ACOXL: variants seen among roughly 807,000 people sequenced by gnomAD.
ACOXL encodes acyl-CoA oxidase like, also known as acyl-coenzyme A oxidase-like protein.
A neutral mutation model predicts 71.9 loss-of-function variants in ACOXL; 70 were observed. The ratio of observed to expected loss-of-function variants is 0.97; its 90% CI spans 0.80 to 1.19. ACOXL has a LOEUF of 1.19. Among genes scored for constraint, ACOXL ranks in the 50% most tolerant of loss-of-function variants. The probability of loss-of-function intolerance (pLI) is 0.00; values close to 1 mark genes in which losing one functional copy is unlikely to be tolerated. For synonymous variants in ACOXL, 253 were observed against 281.6 expected, an observed-to-expected ratio of 0.90 and a Z score of 1.02; for missense variants, 703 against 736.3, an observed-to-expected ratio of 0.95 and a Z score of 0.52.
intron 13 of ACOXL, among the ~76,000 whole-genome samples, chr2:110,988,932 G>A (rs532949100): frequency 6.9e-6 from 1 of 145,804 alleles, no homozygotes; most frequent in Non-Finnish European, 1.5e-5. Context: ...TTTATCCTTT[G>A]TTGTTACAAA....
intron 10 of ACOXL, among the ~76,000 whole-genome samples, chr2:110,908,366 G>A (rs2059534800): frequency 6.6e-6 from 1 of 152,144 alleles, no homozygotes; most frequent in Non-Finnish European, 1.5e-5. Context: ...GGAGCACCAG[G>A]GTTAATGTCA....
At chr2:110,892,496 C>T (rs1037991196) in intron 10 of ACOXL, among the ~76,000 whole-genome samples, 1 of 152,226 alleles carries the variant, frequency 6.6e-6, no homozygotes, top group South Asian at 2.1e-4. Flanking sequence ...AAATGGCGCT[C>T]AACCACTGGG....
At chr2:110,769,619 C>T (rs1212563702) in intron 2 of ACOXL, among the ~76,000 whole-genome samples, 1 of 152,014 alleles carries the variant, frequency 6.6e-6, no homozygotes, top group Non-Finnish European at 1.5e-5. Flanking sequence ...CGAAACATGG[C>T]CTGGGCAACA....
chr2:110,915,708 G>A lies in ACOXL; in HGVS notation c.905+6803G>A, dbSNP rs534477592. Among the ~76,000 whole-genome samples, 148 of 151,902 alleles carry A rather than the reference G, an allele frequency of 9.7e-4. 2 individuals carry two copies. The highest frequency in any genetic ancestry group is 3.4e-3 in the Middle Eastern group (1 of 294). ...CTCTCAAAGTGCTGGGATTACAGGC[G>A]TGAGCCACTGTACCTGGCCATATTA... is the stretch of plus-strand genomic sequence containing the variant. On this transcript the variant is annotated intron_variant, in intron 11 of 17. Transcript: ENST00000439055.
At chr2:111,112,496 T>C (rs1157081411) in intron 17 of ACOXL, among the ~76,000 whole-genome samples, 1 of 152,230 alleles carries the variant, frequency 6.6e-6, no homozygotes, top group East Asian at 1.9e-4. Context: ...GATGGGAAAT[T>C]AGCTGCCACA....
chr2:110,807,649 C>T (rs1328742746), intron 9 of ACOXL, among the ~76,000 whole-genome samples: 1 of 152,184 alleles, frequency 6.6e-6, no homozygotes, highest in Non-Finnish European at 1.5e-5. Flanking sequence ...CGCACAGAGC[C>T]AGCAGGGTCC....
At chr2:110,814,631 T>C (rs1687711563) in intron 9 of ACOXL, among the ~76,000 whole-genome samples, 1 of 152,170 alleles carries the variant, frequency 6.6e-6, no homozygotes, top group South Asian at 2.1e-4. Context: ...GGGTTATAAC[T>C]TTATGTATTA....
At chr2:110,934,021 G>A (rs1174502234) in intron 12 of ACOXL, among the ~76,000 whole-genome samples, 1 of 152,172 alleles carries the variant, frequency 6.6e-6, no homozygotes, top group Non-Finnish European at 1.5e-5. Context: ...CCTCACCCCT[G>A]GTGAGGACAC....
chr2:110,799,759 T>G (rs189220688), intron 7 of ACOXL, among the ~76,000 whole-genome samples: 20 of 152,262 alleles, frequency 1.3e-4, no homozygotes, highest in Admixed American at 1.2e-3. Context: ...AACGCACCAG[T>G]CAGTGCTCTG....
chr2:110,755,226 C>A (rs931912821), intron 1 of ACOXL, among the ~76,000 whole-genome samples: 6 of 152,110 alleles, frequency 3.9e-5, no homozygotes, highest in Non-Finnish European at 5.9e-5. Context: ...ACATGTGAGG[C>A]CTGACTCCCA....
intron 1 of ACOXL, among the ~76,000 whole-genome samples, chr2:110,747,358 C>T (rs573834208): frequency 2.6e-5 from 4 of 152,282 alleles, no homozygotes; most frequent in African/African-American, 9.6e-5. Context: ...AGCCAGCAGA[C>T]TCAGCCATCC....
chr2:110,969,154 A>T (rs1438581354), intron 12 of ACOXL, among the ~76,000 whole-genome samples: 1 of 152,204 alleles, frequency 6.6e-6, no homozygotes, highest in East Asian at 1.9e-4. Flanking sequence ...ATCAAAACGT[A>T]TGGGAGGCAG....
rs570428203 is a variant in ACOXL, at chr2:110,781,840, G to A, written c.76-2892G>A. ...CATCCAACCTATTCTGAATCATGGC[G>A]GTTTTAGTTGAGGAGTATATATGTC... On this transcript the variant is annotated intron_variant, in intron 2 of 17. Coordinates refer to ENST00000439055, the MANE Select transcript of ACOXL (RefSeq NM_001142807.4). Among the ~76,000 whole-genome samples the A allele has an allele frequency of 1.3e-4, 20 of 152,068 alleles. No homozygotes were observed. In the East Asian group the frequency reaches 2.7e-3, roughly 21 times the overall value.
At chr2:110,760,662 A>G (rs1432706738) in intron 1 of ACOXL, among the ~76,000 whole-genome samples, 1 of 152,242 alleles carries the variant, frequency 6.6e-6, no homozygotes, top group Non-Finnish European at 1.5e-5. Context: ...TAAGATGGCC[A>G]TGGCCAAGAC....
At chr2:110,991,032 A>G (rs1558836164) in intron 13 of ACOXL, among the ~76,000 whole-genome samples, 2 of 152,198 alleles carry the variant, frequency 1.3e-5, no homozygotes, top group Admixed American at 1.3e-4. Context: ...TATTCTGTGA[A>G]AGAATTTGAT....
At chr2:110,887,909 C>CT (rs1697494573) in intron 10 of ACOXL, 1 of 152,048 alleles carries the variant, frequency 6.6e-6, no homozygotes, top group South Asian at 2.1e-4. Flanking sequence ...CATTGGAGGG[C>CT]GTCTGTTTAC....
chr2:110,923,472 C>T (rs780337921), intron 11 of ACOXL, among the ~76,000 whole-genome samples: 1 of 152,106 alleles, frequency 6.6e-6, no homozygotes, highest in Non-Finnish European at 1.5e-5. Context: ...TACATTTGAT[C>T]CTACTCAAGT....
At position 110,789,902 on chromosome 2, in the gene ACOXL, C is replaced by T. The variant is rs72832819; in HGVS notation, c.160-3748C>T. Among the ~76,000 whole-genome samples the T allele has an allele frequency of 4.9e-3, 739 of 152,330 alleles. 4 individuals carry two copies. The highest frequency in any genetic ancestry group is 7.1e-3 in the Non-Finnish European group (481 of 68,022). ...GCCTGGCCTATTGCAGCCGGGGAGC[C>T]GGCAGGCTTCCTGCCCATGGGACAG... On this transcript the variant is annotated intron_variant, in intron 3 of 17. Transcript: ENST00000439055.
At chr2:110,891,035 C>T (rs78459223) in intron 10 of ACOXL, among the ~76,000 whole-genome samples, 1 of 150,050 alleles carries the variant, frequency 6.7e-6, no homozygotes, top group Non-Finnish European at 1.5e-5. Flanking sequence ...TACTTAGCAG[C>T]TATTATAAAT....
Sources: gnomAD v4.1 joint callset for allele counts (sites outside exome capture counted in the v4.1 genomes callset) on GRCh38, gnomAD v4.1.1 for gene constraint, MANE v1.5 for transcripts, NCBI Gene and HGNC (gene_info 2026-07-23, HGNC 2026-07-21) for gene names.